FHOD3: variants seen among roughly 807,000 people sequenced by gnomAD.
FHOD3 encodes FH1/FH2 domain-containing protein 3.
A neutral mutation model predicts 173.0 loss-of-function variants in FHOD3; 90 were observed. The ratio of observed to expected loss-of-function variants is 0.52; its 90% CI spans 0.44 to 0.62. The LOEUF is 0.62. Ranked by LOEUF, FHOD3 falls within the 20% of genes least tolerant of loss-of-function variation. The pLI, the probability that FHOD3 is intolerant of heterozygous loss-of-function variation, is 0.00. For missense variants in FHOD3, 1,945 were observed against 2,034.7 expected, an observed-to-expected ratio of 0.96 and a Z score of 0.85; for synonymous variants, 828 against 823.0, an observed-to-expected ratio of 1.01 and a Z score of -0.10.
intron 10 of FHOD3, 106 bp from the exon 11 acceptor site, chr18:36,649,210 G>A (rs1568548491): frequency 4.8e-6 from 3 of 627,664 alleles, no homozygotes; most frequent in Non-Finnish European, 7.8e-6. Flanking sequence ...TTATTTCGTT[G>A]TTGTTGTTGT....
intron 14 of FHOD3, among the ~76,000 whole-genome samples, chr18:36,665,920 G>A (rs2037150540): frequency 6.6e-6 from 1 of 152,194 alleles, no homozygotes; most frequent in Non-Finnish European, 1.5e-5. Flanking sequence ...GGAGAGGACT[G>A]ACCTCCTTTG....
At chr18:36,452,181 G>A (rs1599174827) in intron 3 of FHOD3, among the ~76,000 whole-genome samples, 1 of 152,092 alleles carries the variant, frequency 6.6e-6, no homozygotes, top group East Asian at 1.9e-4. Context: ...CAAATGCTGG[G>A]TATCTTAAGA....
Position 36,709,170 on chromosome 18 carries a change from A to G in FHOD3, c.2312A>G (p.Glu771Gly). 3 of 1,614,178 alleles carry G rather than the reference A, an allele frequency of 1.9e-6. No individual in the cohort carries two copies. The highest frequency in any genetic ancestry group is 2.5e-6 in the Non-Finnish European group (3 of 1,180,034). ...GCAGGGGCGGGGCAGGTTGCTGATG[A>G]AGCTGGCCAGGACATAGCCTCTGCC... is the stretch of plus-strand genomic sequence containing the variant. ...AEAGAGQVAD[E>G]AGQDIASAHE... is the part of the protein sequence containing the mutation. The change falls in exon 18 of 29, where the codon GAA (glutamate) becomes GGA (glycine). Residue 771 changes from glutamate (E) to glycine (G), a missense_variant. Physicochemically the swap from Glu to Gly is moderately conservative, Grantham distance 98. Coordinates refer to ENST00000590592, the MANE Select transcript of FHOD3 (RefSeq NM_001281740.3).
chr18:36,731,602 G>A (rs2041362530), intron 20 of FHOD3, among the ~76,000 whole-genome samples: 1 of 152,166 alleles, frequency 6.6e-6, no homozygotes, highest in South Asian at 2.1e-4. Context: ...ATTGGCAGGG[G>A]GCCCCAGACT....
intron 5 of FHOD3, among the ~76,000 whole-genome samples, chr18:36,520,067 C>T (rs905797505): frequency 2.0e-5 from 3 of 151,166 alleles, no homozygotes; most frequent in African/African-American, 7.3e-5. Context: ...ATGTGATACT[C>T]CTGCCTCAGC....
chr18:36,521,979 C>T (rs1324804804), intron 5 of FHOD3, among the ~76,000 whole-genome samples: 2 of 152,208 alleles, frequency 1.3e-5, no homozygotes, highest in Non-Finnish European at 2.9e-5. Flanking sequence ...CCTGCTCATC[C>T]TTAGATTGGA....
Position 36,744,858 on chromosome 18 carries a change from AAC to A in FHOD3, c.4041+670_4041+671del, listed in dbSNP as rs543516318. Among the ~76,000 whole-genome samples the A allele has an allele frequency of 4.6e-5, 7 of 152,308 alleles. No individual in the cohort carries two copies. The East Asian group carries it at 7.7e-4, about 17-fold the overall frequency. ...CTGACCAACTCCTAGAGGGATCCCA[AAC>A]ACACCAGAACTGGGAGATGTGAAGG... On this transcript the variant is annotated intron_variant, in intron 23 of 28. Transcript: ENST00000590592.
In FHOD3 at chr18:36,604,817, A is replaced by G. The variant is rs1028725136; in HGVS notation, c.813+2049A>G. ...TACAAAATGAAAATCACAAATTATA[A>G]CTAAATGCAAATGACAAACTAGGAA... On this transcript the variant is annotated intron_variant, in intron 8 of 28. Coordinates refer to ENST00000590592, the MANE Select transcript of FHOD3 (RefSeq NM_001281740.3). Among the ~76,000 whole-genome samples, 4 of 152,338 alleles carry G rather than the reference A, an allele frequency of 2.6e-5. No individual in the cohort carries two copies. In the East Asian group the frequency reaches 5.8e-4, roughly 22 times the overall value.
chr18:36,428,513 G>T (rs2147202225), intron 3 of FHOD3, among the ~76,000 whole-genome samples: 1 of 152,322 alleles, frequency 6.6e-6, no homozygotes, highest in East Asian at 1.9e-4. Context: ...TCGTGGAAAA[G>T]AGGAGCCAGA....
chr18:36,298,305 C>T (rs931801407), intron 1 of FHOD3, among the ~76,000 whole-genome samples: 4 of 145,178 alleles, frequency 2.8e-5, no homozygotes, highest in East Asian at 2.2e-4. Context: ...GCCGTTAGCT[C>T]GGCCGGGTGG....
At chr18:36,682,294 C>T (rs1247745857) in intron 15 of FHOD3, among the ~76,000 whole-genome samples, 1 of 152,154 alleles carries the variant, frequency 6.6e-6, no homozygotes, top group Admixed American at 6.6e-5. Context: ...GTTGCTGTAT[C>T]TCTCCTTACA....
intron 27 of FHOD3, among the ~76,000 whole-genome samples, 184 bp downstream of exon 27, chr18:36,760,966 C>G (rs372770036): frequency 6.6e-6 from 1 of 152,226 alleles, no homozygotes; most frequent in African/African-American, 2.4e-5. Context: ...ATCTCCAAAA[C>G]AAACATTCCC....
At chr18:36,511,244 G>A (rs1259792299) in intron 4 of FHOD3, among the ~76,000 whole-genome samples, 4 of 152,002 alleles carry the variant, frequency 2.6e-5, no homozygotes, top group Non-Finnish European at 5.9e-5. Flanking sequence ...GTCCAATTGA[G>A]GAAATCTCCC....
intron 10 of FHOD3, among the ~76,000 whole-genome samples, chr18:36,644,388 A>G (rs915238769): frequency 6.6e-6 from 1 of 152,244 alleles, no homozygotes; most frequent in African/African-American, 2.4e-5. Flanking sequence ...ATTTTATCAT[A>G]GACTGGAACT....
In FHOD3 at chr18:36,336,848, CAAAAAAAAAAAA is replaced by C. The variant is rs36099993; in HGVS notation, c.166-18676_166-18665del. Among the ~76,000 whole-genome samples the C allele has an allele frequency of 1.1e-4, 4 of 35,800 alleles. No individual in the cohort carries two copies. In the South Asian group the frequency reaches 7.9e-3, roughly 71 times the overall value. The allele number at this position is 35,800 out of a possible 152,430, so 23.5% of individuals were successfully genotyped here. On this transcript the variant is annotated intron_variant, in intron 1 of 28. Transcript: ENST00000590592. ...GGGCAACAAGAGTGAAACTCCGTCT[CAAAAAAAAAAAA>C]AAAAAAAAAAAAAAGGAAATTAATT...
rs370494470 is a variant in FHOD3 at position 36,604,095 on chromosome 18, G to A, written c.813+1327G>A. Among the ~76,000 whole-genome samples the A allele has an allele frequency of 1.7e-4, 26 of 152,228 alleles. No homozygotes were observed. The East Asian group carries it at 4.3e-3, about 25-fold the overall frequency. ...CTCAGAGGTGCTGCTCTGAAACAAGGGGGCCCATGCTGACCCAGAACAGGC... is the reference window on the plus strand; with the variant it reads ...CTCAGAGGTGCTGCTCTGAAACAAGAGGGCCCATGCTGACCCAGAACAGGC... On this transcript the variant is annotated intron_variant, in intron 8 of 28. Transcript: ENST00000590592.
chr18:36,774,657 G>A (rs897911430), intron 28 of FHOD3, among the ~76,000 whole-genome samples: 13 of 152,134 alleles, frequency 8.5e-5, no homozygotes, highest in South Asian at 2.1e-4. Context: ...TCGCTTCAAC[G>A]TTTTATTCTG....
chr18:36,526,938 G>C (rs192506510), intron 5 of FHOD3, among the ~76,000 whole-genome samples: 2 of 152,324 alleles, frequency 1.3e-5, no homozygotes, highest in African/African-American at 4.8e-5. Context: ...AAGTCCTCAC[G>C]TGAAAGGTGC....
intron 9 of FHOD3, among the ~76,000 whole-genome samples, chr18:36,617,109 C>T (rs2033268454): frequency 6.6e-6 from 1 of 152,192 alleles, no homozygotes; most frequent in Non-Finnish European, 1.5e-5. Context: ...TAGTCCATAG[C>T]CAGGGACATC....
Sources: allele counts gnomAD v4.1 joint callset (sites outside exome capture counted in the v4.1 genomes callset), GRCh38; gene constraint gnomAD v4.1.1; transcripts MANE v1.5; gene names NCBI Gene and HGNC (gene_info 2026-07-23, HGNC 2026-07-21).